Variants in DCDC1 observed in about 807,000 individuals in gnomAD.
The protein encoded by DCDC1 is doublecortin domain-containing protein 1.
A neutral mutation model predicts 178.3 loss-of-function variants in DCDC1; 200 were observed. The ratio of observed to expected loss-of-function variants is 1.12; its 90% CI spans 1.00 to 1.26. The LOEUF is 1.26. Among genes scored for constraint, DCDC1 ranks in the 50% most tolerant of loss-of-function variants. DCDC1 has a pLI of 0.00. For synonymous variants in DCDC1, 690 were observed against 604.8 expected (o/e 1.14, Z -2.07); for missense variants, 1,983 against 1,749.2 (o/e 1.13, Z -2.38).
intron 20 of DCDC1, among the ~76,000 whole-genome samples, chr11:31,018,994 A>G (rs960434512): frequency 2.0e-5 from 3 of 152,148 alleles, no homozygotes; most frequent in Admixed American, 1.3e-4. Context: ...AGAGATGGAA[A>G]ATAAGATGGT....
At chr11:31,039,435 A>G (rs1029235977) in intron 20 of DCDC1, among the ~76,000 whole-genome samples, 3 of 152,196 alleles carry the variant, frequency 2.0e-5, no homozygotes, top group African/African-American at 7.2e-5. Context: ...TGTTCCACTT[A>G]CTAGCTCTTT....
intron 37 of DCDC1, among the ~76,000 whole-genome samples, chr11:30,880,798 C>A (rs146331969): frequency 6.6e-6 from 1 of 152,192 alleles, no homozygotes; most frequent in African/African-American, 2.4e-5. Flanking sequence ...CACATAATTA[C>A]TATTAATAAA....
intron 9 of DCDC1, among the ~76,000 whole-genome samples, chr11:31,238,223 C>T (rs924147555): frequency 2.6e-5 from 4 of 152,040 alleles, no homozygotes; most frequent in Non-Finnish European, 1.5e-5. Flanking sequence ...GTACTTAACA[C>T]TGCCCATCAG....
At chr11:31,346,951 C>T (rs2133265196) in intron 1 of DCDC1, among the ~76,000 whole-genome samples, 1 of 152,206 alleles carries the variant, frequency 6.6e-6, no homozygotes, top group South Asian at 2.1e-4. Context: ...TTTTAAATGT[C>T]AACATTCATA....
intron 8 of DCDC1, among the ~76,000 whole-genome samples, chr11:31,261,798 G>A (rs949539784): frequency 2.3e-4 from 35 of 152,132 alleles, no homozygotes; most frequent in Non-Finnish European, 7.4e-5. Flanking sequence ...AGGTGAGTAG[G>A]TGTACTCCTT....
intron 20 of DCDC1, among the ~76,000 whole-genome samples, chr11:31,051,270 G>A (rs894753883): frequency 6.6e-6 from 1 of 151,964 alleles, no homozygotes; most frequent in African/African-American, 2.4e-5. Context: ...ATCCAACAAA[G>A]ACAAAGAAAA....
chr11:30,974,225 A>G (rs928682412), intron 20 of DCDC1, among the ~76,000 whole-genome samples: 2 of 151,970 alleles, frequency 1.3e-5, no homozygotes, highest in African/African-American at 4.8e-5. Context: ...TGTCGGATAC[A>G]GTAAAAGCAG....
chr11:31,159,904 G>T (rs1966137363), intron 9 of DCDC1, among the ~76,000 whole-genome samples: 1 of 152,142 alleles, frequency 6.6e-6, no homozygotes, highest in South Asian at 2.1e-4. Flanking sequence ...AAGTGTCTTT[G>T]TAATAATAAC....
intron 1 of DCDC1, among the ~76,000 whole-genome samples, chr11:31,368,639 C>T (rs532501848): frequency 1.1e-4 from 17 of 152,272 alleles, no homozygotes; most frequent in African/African-American, 3.9e-4. Flanking sequence ...TAGTTCATAA[C>T]ATCATTAAAT....
intron 1 of DCDC1, among the ~76,000 whole-genome samples, chr11:31,341,461 G>C (rs983799866): frequency 1.3e-5 from 2 of 150,458 alleles, no homozygotes; most frequent in African/African-American, 4.9e-5. Flanking sequence ...TAACAACGGG[G>C]ATACGTTCTG....
At chr11:31,257,248 C>A (rs1438043811) in intron 8 of DCDC1, among the ~76,000 whole-genome samples, 2 of 151,918 alleles carry the variant, frequency 1.3e-5, no homozygotes. Context: ...GCATTCTGGG[C>A]CAAAAAAGAA....
At chr11:31,120,053 A>G (rs772787458) in intron 11 of DCDC1, among the ~76,000 whole-genome samples, 1 of 152,142 alleles carries the variant, frequency 6.6e-6, no homozygotes, top group African/African-American at 2.4e-5. Context: ...GATTTACTGG[A>G]CTATTCATTT....
Position 31,067,890 on chromosome 11 carries a change from T to C in DCDC1, c.2299-2737A>G, listed in dbSNP as rs192642434. On this transcript the variant is annotated intron_variant, in intron 18 of 38. Transcript: ENST00000684477. Reference sequence around the variant, plus strand: ...GCAGACAGAGGCAGAGGAATAGATGTCAAGTCCAAGATGTCTTTTAGGGAG... The same window carrying C: ...GCAGACAGAGGCAGAGGAATAGATGCCAAGTCCAAGATGTCTTTTAGGGAG... 3.0e-4 allele frequency among the ~76,000 whole-genome samples: 45 copies of C among 152,230 alleles called. No homozygotes were observed. In the East Asian group the frequency reaches 8.1e-3, roughly 27 times the overall value.
chr11:31,329,346 C>T lies in DCDC1; in HGVS notation c.-6-1060G>A, dbSNP rs138240812. Reference sequence around the variant, plus strand: ...CTCTTTAGTTTCCTACGTACATAAGCCAACAATTTTCTTTCTTTGCTTAAG... The same window carrying T: ...CTCTTTAGTTTCCTACGTACATAAGTCAACAATTTTCTTTCTTTGCTTAAG... On this transcript the variant is annotated intron_variant, in intron 2 of 38. Coordinates refer to ENST00000684477, the MANE Select transcript of DCDC1 (RefSeq NM_001387274.1). Among the ~76,000 whole-genome samples the T allele has an allele frequency of 4.0e-3, 608 of 152,112 alleles. 1 individual carries two copies. The highest frequency in any genetic ancestry group is 7.7e-3 in the Admixed American group (117 of 15,266).
In DCDC1 at chr11:31,111,360, C is replaced by T. The variant is rs373571097; in HGVS notation, c.1486-999G>A. Among the ~76,000 whole-genome samples, 8 of 151,478 alleles carry T rather than the reference C, an allele frequency of 5.3e-5. No homozygotes were observed. The South Asian group carries it at 6.3e-4, about 12-fold the overall frequency. ...TTTGAAATGTATTTAATTGTCTCAACCTGGTTTTAGAAATAATGTGTTTCA... is the reference window on the plus strand; with the variant it reads ...TTTGAAATGTATTTAATTGTCTCAATCTGGTTTTAGAAATAATGTGTTTCA... On this transcript the variant is annotated intron_variant, in intron 11 of 38. Transcript: ENST00000684477.
intron 20 of DCDC1, among the ~76,000 whole-genome samples, chr11:31,063,384 A>G (rs1956062009): frequency 6.6e-6 from 1 of 152,178 alleles, no homozygotes; most frequent in Non-Finnish European, 1.5e-5. Context: ...TCACGCTGCT[A>G]TAAAGACACA....
intron 20 of DCDC1, among the ~76,000 whole-genome samples, chr11:31,025,245 T>G (rs1414187893): frequency 6.6e-6 from 1 of 151,738 alleles, no homozygotes; most frequent in Non-Finnish European, 1.5e-5. Flanking sequence ...ATTATAACCT[T>G]TCCCAAAACA....
intron 17 of DCDC1, among the ~76,000 whole-genome samples, chr11:31,078,905 C>A (rs538395492): frequency 6.7e-6 from 1 of 148,940 alleles, no homozygotes; most frequent in African/African-American, 2.5e-5. Context: ...GGTTAATAAG[C>A]CAAACTTTGG....
chr11:31,123,744 A>G (rs531137003), intron 11 of DCDC1, among the ~76,000 whole-genome samples: 25 of 152,146 alleles, frequency 1.6e-4, no homozygotes, highest in South Asian at 1.4e-3. Flanking sequence ...GGGGAAAAAA[A>G]TCATAAAAAG....
Sources: allele counts gnomAD v4.1 joint callset (sites outside exome capture counted in the v4.1 genomes callset), GRCh38; gene constraint gnomAD v4.1.1; transcripts MANE v1.5; gene names NCBI Gene and HGNC (gene_info 2026-07-23, HGNC 2026-07-21).